The following SLC45A4 variants were observed in gnomAD, a reference collection of about 807,000 sequenced individuals.
The protein encoded by SLC45A4 is polyamine-transporter SLC45A4.
In SLC45A4, 32 loss-of-function variants were observed where a neutral mutation model predicts 63.7. The observed-to-expected ratio is 0.50, with a 90% CI of 0.38 to 0.67. The LOEUF is 0.67. Ranked by LOEUF, SLC45A4 falls within the 30% of genes least tolerant of loss-of-function variation. SLC45A4 has a pLI of 0.00. For missense variants in SLC45A4, 1,027 were observed against 1,157.7 expected, an observed-to-expected ratio of 0.89 and a Z score of 1.64; for synonymous variants, 535 against 510.0, an observed-to-expected ratio of 1.05 and a Z score of -0.66.
chr8:141,214,192 CAAA>C (rs11292288), intron 7 of SLC45A4, among the ~76,000 whole-genome samples: 5 of 74,298 alleles, frequency 6.7e-5, no homozygotes, highest in Non-Finnish European at 3.1e-5. Flanking sequence ...ACTCTGTCTC[CAAA>C]AAAAAAAAAA....
At chr8:141,231,776 A>G (rs1379308943) in intron 2 of SLC45A4, among the ~76,000 whole-genome samples, 1 of 152,218 alleles carries the variant, frequency 6.6e-6, no homozygotes, top group Non-Finnish European at 1.5e-5. Flanking sequence ...CACGGCACCG[A>G]GCCATGGATC....
intron 1 of SLC45A4, among the ~76,000 whole-genome samples, chr8:141,279,782 G>A (rs891753879): frequency 3.3e-5 from 5 of 152,368 alleles, no homozygotes; most frequent in South Asian, 2.1e-4. Flanking sequence ...ACTAACGGCA[G>A]AATTAAAGGC....
chr8:141,211,840 G>A (rs1825834997), intron 8 of SLC45A4, 143 bp from the exon 9 acceptor site: 1 of 1,302,058 alleles, frequency 7.7e-7, no homozygotes, highest in Admixed American at 3.8e-5. Flanking sequence ...TTTTTTCTAA[G>A]TTGCTTATTG....
chr8:141,261,771 T>A (rs1829046309), intron 1 of SLC45A4, among the ~76,000 whole-genome samples: 1 of 152,118 alleles, frequency 6.6e-6, no homozygotes, highest in African/African-American at 2.4e-5. Flanking sequence ...GTAGGAAGAA[T>A]CAATATCATG....
In SLC45A4 at chr8:141,218,845, G is replaced by A. The variant is rs768493038; in HGVS notation, c.795C>T (p.Ser265=). 20 of 1,613,266 alleles carry A rather than the reference G, an allele frequency of 1.2e-5. No homozygotes were observed. The highest frequency in any genetic ancestry group is 4.0e-5 in the African/African-American group (3 of 75,048). ...EEQYSPQQER[S]AEEPGALDGG... ...CATCCAGGGCGCCGGGCTCCTCAGC[G>A]CTGCGCTCCTGCTGCGGGCTGTACT... Residue 265 remains serine (S), a synonymous_variant, in exon 5 of 9, where the codon AGC becomes AGT. Transcript: ENST00000517878.
At chr8:141,231,163 C>A (rs1827328321) in intron 2 of SLC45A4, among the ~76,000 whole-genome samples, 3 of 152,200 alleles carry the variant, frequency 2.0e-5, no homozygotes, top group Admixed American at 2.0e-4. Flanking sequence ...CCTGGCAGGT[C>A]CCAGGATGGG....
At chr8:141,273,016 C>T (rs1388933017) in intron 1 of SLC45A4, among the ~76,000 whole-genome samples, 1 of 152,120 alleles carries the variant, frequency 6.6e-6, no homozygotes. Flanking sequence ...AAACTGTTAC[C>T]TAAATGTCAA....
intron 1 of SLC45A4, among the ~76,000 whole-genome samples, chr8:141,284,798 C>A (rs957461335): frequency 3.7e-4 from 56 of 152,220 alleles, no homozygotes; most frequent in African/African-American, 1.3e-3. Context: ...AGGCTCCTTG[C>A]CCCTCCGCAC....
At chr8:141,220,259 G>A (rs1198626553) in intron 3 of SLC45A4, among the ~76,000 whole-genome samples, 2 of 152,180 alleles carry the variant, frequency 1.3e-5, no homozygotes, top group Admixed American at 6.5e-5. Flanking sequence ...AGGGGACACT[G>A]ATGAGGCTTC....
rs1379375510 is a variant in SLC45A4, at chr8:141,215,136, A to G, written c.1941+623T>C. Among the ~76,000 whole-genome samples the G allele has an allele frequency of 1.3e-5, 2 of 152,228 alleles. No homozygotes were observed. Among genetic ancestry groups the G allele is most frequent in the South Asian group, 2.1e-4 (1 of 4,834 alleles). ...ATGAAGCCAGATGTTTCAGCTGCATAAAGTCCAGAAAGAGGCAAGAGTCTG... is the reference window on the plus strand; with the variant it reads ...ATGAAGCCAGATGTTTCAGCTGCATGAAGTCCAGAAAGAGGCAAGAGTCTG... On this transcript the variant is annotated intron_variant, in intron 7 of 8. Transcript: ENST00000517878. The surrounding 1 kb of genome is among the most constrained non-coding windows in gnomAD (Gnocchi z 4.3).
chr8:141,257,650 A>G (rs1828855595), intron 1 of SLC45A4, among the ~76,000 whole-genome samples: 1 of 152,242 alleles, frequency 6.6e-6, no homozygotes, highest in Non-Finnish European at 1.5e-5. Flanking sequence ...AATTATTCTA[A>G]GGTAGTGATT....
intron 2 of SLC45A4, among the ~76,000 whole-genome samples, chr8:141,238,184 G>C (rs1827724562): frequency 6.6e-6 from 1 of 152,206 alleles, no homozygotes; most frequent in Non-Finnish European, 1.5e-5. Context: ...TCTCCCACTG[G>C]ACTAGAGTGG....
chr8:141,260,029 A>G (rs1002209897), intron 1 of SLC45A4, among the ~76,000 whole-genome samples: 7 of 152,132 alleles, frequency 4.6e-5, no homozygotes, highest in African/African-American at 1.7e-4. Flanking sequence ...GTCCTCATGA[A>G]ACAGCATGAG....
rs1827216660 is a variant in SLC45A4, at chr8:141,229,378, CCA to C, written c.242-7615_242-7614del. On this transcript the variant is annotated intron_variant, in intron 2 of 8. Transcript: ENST00000517878. This position sits in a 1 kb window ranked among gnomAD's most constrained non-coding sequence, Gnocchi z 5.0. ...ATGCCAGACCGCTTCCCTCTCCACACCAGACTCCAACCGCCCACCCCACCCTA... is the reference window on the plus strand; with the variant it reads ...ATGCCAGACCGCTTCCCTCTCCACACGACTCCAACCGCCCACCCCACCCTA... 6.6e-6 allele frequency among the ~76,000 whole-genome samples: 1 copy of C among 152,136 alleles called. No individual in the cohort carries two copies. The highest frequency in any genetic ancestry group is 2.4e-5 in the African/African-American group (1 of 41,424).
chr8:141,245,569 A>G (rs988892738), intron 2 of SLC45A4, among the ~76,000 whole-genome samples: 3 of 151,946 alleles, frequency 2.0e-5, no homozygotes, highest in Non-Finnish European at 4.4e-5. Context: ...CTCCCAGGAG[A>G]CCCCAAAATC....
Position 141,244,955 on chromosome 8 carries a change from GGT to G in SLC45A4, c.241+9032_241+9033del, listed in dbSNP as rs1491327043. ...CCTGCGCATTCAGCAAGAAGACGTG[GGT>G]GGGGGGGGGGGGCGGTGTGGAGGTG... On this transcript the variant is annotated intron_variant, in intron 2 of 8. Coordinates refer to ENST00000517878, the MANE Select transcript of SLC45A4 (RefSeq NM_001286646.2). Among the ~76,000 whole-genome samples the G allele has an allele frequency of 5.2e-4, 46 of 88,936 alleles. 7 individuals are homozygous for G. The highest frequency in any genetic ancestry group is 1.3e-3 in the African/African-American group (37 of 29,542). 58.3% of individuals were successfully genotyped at this position (88,936 alleles called of 152,430 possible). A position where few individuals can be genotyped will look rare whatever the true frequency, so the allele number is the denominator to read the frequency against.
At position 141,227,682 on chromosome 8, in the gene SLC45A4, G is replaced by A. The variant is rs992877517; in HGVS notation, c.242-5917C>T. Among the ~76,000 whole-genome samples, 2 of 152,190 alleles carry A rather than the reference G, an allele frequency of 1.3e-5. No homozygotes were observed. Among genetic ancestry groups the A allele is most frequent in the African/African-American group, 4.8e-5 (2 of 41,444 alleles). On this transcript the variant is annotated intron_variant, in intron 2 of 8. Coordinates refer to ENST00000517878, the MANE Select transcript of SLC45A4 (RefSeq NM_001286646.2). The surrounding 1 kb of genome is among the most constrained non-coding windows in gnomAD (Gnocchi z 4.4). Reference sequence around the variant, plus strand: ...CTGGCACTGGGCCCCCGGCACTGAGGCTCTGTGCTGGCGAGGGCCCCACAG... The same window carrying A: ...CTGGCACTGGGCCCCCGGCACTGAGACTCTGTGCTGGCGAGGGCCCCACAG...
In SLC45A4 at chr8:141,215,728, A is replaced by T. The variant is rs769682156; in HGVS notation, c.1941+31T>A. 6.9e-5 allele frequency: 111 copies of T among 1,606,454 alleles called. No individual in the cohort carries two copies. Among genetic ancestry groups the T allele is most frequent in the Non-Finnish European group, 8.7e-5 (102 of 1,177,644 alleles). ...GGAGGGAAGGCACTCAGGAGGCTGG[A>T]GCGCAGATCTCAGGGCTACGGTGGA... On this transcript the variant is annotated intron_variant, in intron 7 of 8. Transcript: ENST00000517878. This position sits in a 1 kb window ranked among gnomAD's most constrained non-coding sequence, Gnocchi z 4.3.
At chr8:141,259,859 T>C (rs1209289402) in intron 1 of SLC45A4, among the ~76,000 whole-genome samples, 1 of 152,214 alleles carries the variant, frequency 6.6e-6, no homozygotes, top group Non-Finnish European at 1.5e-5. Flanking sequence ...TTGACAAGAT[T>C]TGTTAAATGA....
Sources: allele counts gnomAD v4.1 joint callset (sites outside exome capture counted in the v4.1 genomes callset), GRCh38; gene constraint gnomAD v4.1.1; non-coding constraint Gnocchi (gnomAD v3.1); transcripts MANE v1.5; gene names NCBI Gene and HGNC (gene_info 2026-07-23, HGNC 2026-07-21).